Variants in SETD2 observed in about 807,000 individuals in gnomAD.
SETD2 encodes histone-lysine N-methyltransferase SETD2.
A neutral mutation model predicts 242.1 loss-of-function variants in SETD2; 31 were observed. The ratio of observed to expected loss-of-function variants is 0.13; its 90% CI spans 0.10 to 0.17. The LOEUF is 0.17. Ranked by LOEUF, SETD2 falls within the 10% of genes least tolerant of loss-of-function variation. The probability of loss-of-function intolerance (pLI) is 1.00; values close to 1 mark genes in which losing one functional copy is unlikely to be tolerated. For missense variants in SETD2, 2,481 were observed against 3,046.3 expected, an observed-to-expected ratio of 0.81 and a Z score of 4.37; for synonymous variants, 1,006 against 1,066.5, an observed-to-expected ratio of 0.94 and a Z score of 1.11.
chr3:47,044,889 C>T (rs1227838657), intron 16 of SETD2, among the ~76,000 whole-genome samples: 2 of 152,120 alleles, frequency 1.3e-5, no homozygotes, highest in Admixed American at 6.6e-5. Context: ...TGACATGACA[C>T]TCAAAGGCCA....
At chr3:47,089,495 CTA>C (rs2041707192) in intron 9 of SETD2, among the ~76,000 whole-genome samples, 1 of 152,062 alleles carries the variant, frequency 6.6e-6, no homozygotes, top group African/African-American at 2.4e-5. Context: ...GTGGTAACCT[CTA>C]GGTAGGGAGA....
At chr3:47,100,719 T>G (rs1370038982) in intron 8 of SETD2, among the ~76,000 whole-genome samples, 1 of 151,962 alleles carries the variant, frequency 6.6e-6, no homozygotes, top group African/African-American at 2.4e-5. Flanking sequence ...GAAACAGAAC[T>G]AGGTAACCAG....
chr3:47,126,280 C>G (rs1310134066), intron 2 of SETD2, among the ~76,000 whole-genome samples: 2 of 152,194 alleles, frequency 1.3e-5, no homozygotes, highest in African/African-American at 4.8e-5. Flanking sequence ...CCTCAGCTTC[C>G]CAAAGTGCTG....
At position 47,041,010 on chromosome 3, in the gene SETD2, G is replaced by A. The variant is rs181699317; in HGVS notation, c.7238+1551C>T. Among the ~76,000 whole-genome samples, 28 of 152,190 alleles carry A rather than the reference G, an allele frequency of 1.8e-4. No homozygotes were observed. The East Asian group carries it at 3.5e-3, about 19-fold the overall frequency. On this transcript the variant is annotated intron_variant, in intron 17 of 20. Transcript: ENST00000409792. ...CAATTCCACTTCTAAGTACCCTCTC[G>A]AAGAAGTAGTAAGATTAGTGTCCCT... is the stretch of plus-strand genomic sequence containing the variant.
chr3:47,104,355 C>T (rs1027083541), intron 6 of SETD2, among the ~76,000 whole-genome samples: 2 of 151,892 alleles, frequency 1.3e-5, no homozygotes, highest in Admixed American at 6.6e-5. Context: ...GCCTGGGCAA[C>T]ACAGCAAGAC....
At position 47,126,710 on chromosome 3, in the gene SETD2, C is replaced by A. The variant is rs2043340639; in HGVS notation, c.72-47G>T. Reference sequence around the variant, plus strand: ...AACATGCAAAAGAATAAAAAGAAATCATAAATACTTAAAAACGATTGAAAT... The same window carrying A: ...AACATGCAAAAGAATAAAAAGAAATAATAAATACTTAAAAACGATTGAAAT... On this transcript the variant is annotated intron_variant, in intron 1 of 20. Transcript: ENST00000409792. The A allele has an allele frequency of 1.8e-6, 2 of 1,099,364 alleles. 1 individual carries two copies. Among genetic ancestry groups the A allele is most frequent in the South Asian group, 2.8e-5 (2 of 71,982 alleles). 68.1% of individuals were successfully genotyped at this position (1,099,364 alleles called of 1,614,324 possible).
chr3:47,045,435 G>A (rs950584549), intron 16 of SETD2, among the ~76,000 whole-genome samples: 24 of 150,826 alleles, frequency 1.6e-4, no homozygotes, highest in African/African-American at 5.6e-4. Context: ...GGAGAATGGT[G>A]AGAACCCAGG....
chr3:47,071,366 G>A (rs2040809919), intron 12 of SETD2, among the ~76,000 whole-genome samples: 1 of 152,086 alleles, frequency 6.6e-6, no homozygotes. Flanking sequence ...ACAGTGTCTG[G>A]CACATAATCA....
rs184471723 is a variant in SETD2, at chr3:47,054,259, T to C, written c.6963+2562A>G. Among the ~76,000 whole-genome samples the C allele has an allele frequency of 1.6e-3, 251 of 152,294 alleles. 2 individuals carry two copies. The highest frequency in any genetic ancestry group is 5.4e-3 in the African/African-American group (223 of 41,566). ...CAAGTAAATTGTGATGCTTGGCTCT[T>C]AGGGCTAATGAATAAAACCAAGAGA... On this transcript the variant is annotated intron_variant, in intron 15 of 20. Transcript: ENST00000409792.
At chr3:47,025,719 C>G (rs2038444250) in intron 18 of SETD2, among the ~76,000 whole-genome samples, 1 of 152,202 alleles carries the variant, frequency 6.6e-6, no homozygotes, top group African/African-American at 2.4e-5. Context: ...ATAGGTGAAA[C>G]TGTACTCCTA....
intron 1 of SETD2, among the ~76,000 whole-genome samples, chr3:47,153,345 A>G (rs1193300172): frequency 6.6e-6 from 1 of 152,200 alleles, no homozygotes; most frequent in African/African-American, 2.4e-5. Flanking sequence ...TTTGAATGAG[A>G]GACTTCCAAA....
intron 4 of SETD2, among the ~76,000 whole-genome samples, chr3:47,114,298 T>C (rs1340933328): frequency 6.6e-6 from 1 of 152,220 alleles, no homozygotes; most frequent in African/African-American, 2.4e-5. Context: ...TCAGGCTGCA[T>C]GTAAGCTTTC....
intron 7 of SETD2, among the ~76,000 whole-genome samples, chr3:47,103,006 G>A (rs1018531178): frequency 1.3e-5 from 2 of 152,110 alleles, no homozygotes; most frequent in African/African-American, 4.8e-5. Context: ...GTGAGTTCCT[G>A]GATTGGATCT....
At chr3:47,041,609 G>GT (rs1559655755) in intron 17 of SETD2, among the ~76,000 whole-genome samples, 1 of 151,926 alleles carries the variant, frequency 6.6e-6, no homozygotes, top group Non-Finnish European at 1.5e-5. Flanking sequence ...AACAATTTAC[G>GT]TAAGATTATA....
intron 15 of SETD2, among the ~76,000 whole-genome samples, chr3:47,049,334 TA>T (rs1263504232): frequency 2.4e-5 from 3 of 124,044 alleles, no homozygotes; most frequent in African/African-American, 7.9e-5. Context: ...TATATATATA[TA>T]TATATATATA....
chr3:47,070,050 A>C (rs959535951), intron 12 of SETD2, among the ~76,000 whole-genome samples: 3 of 152,194 alleles, frequency 2.0e-5, no homozygotes, highest in African/African-American at 7.2e-5. Context: ...AGAATAACAC[A>C]ATTTTGACCT....
At chr3:47,051,026 C>A (rs2039819475) in intron 15 of SETD2, among the ~76,000 whole-genome samples, 1 of 151,958 alleles carries the variant, frequency 6.6e-6, no homozygotes, top group Admixed American at 6.6e-5. Flanking sequence ...AGCCACCGCA[C>A]CTGGCCTATT....
Position 47,112,528 on chromosome 3 carries a change from C to T in SETD2, c.4715+1348G>A, listed in dbSNP as rs182575125. Among the ~76,000 whole-genome samples the T allele has an allele frequency of 5.5e-3, 838 of 152,042 alleles. 24 individuals are homozygous for T. Among genetic ancestry groups the T allele is most frequent in the Admixed American group, 0.049 (751 of 15,254 alleles). The stretch of plus-strand genomic sequence containing the variant: ...AACTCCTGACCTCAGGTGATCTGCC[C>T]ACCTCGGCCTCCCAAAGTGCTGGGA... On this transcript the variant is annotated intron_variant, in intron 5 of 20. Coordinates refer to ENST00000409792, the MANE Select transcript of SETD2 (RefSeq NM_014159.7).
intron 15 of SETD2, among the ~76,000 whole-genome samples, chr3:47,055,296 T>C (rs1255918512): frequency 6.6e-6 from 1 of 152,204 alleles, no homozygotes; most frequent in East Asian, 1.9e-4. Flanking sequence ...CAGGAAACAT[T>C]GTTGGGAGTC....
Sources: gnomAD v4.1 joint callset for allele counts (sites outside exome capture counted in the v4.1 genomes callset) on GRCh38, gnomAD v4.1.1 for gene constraint, MANE v1.5 for transcripts, NCBI Gene and HGNC (gene_info 2026-07-23, HGNC 2026-07-21) for gene names.